Variants in HERC2 observed in about 807,000 individuals in gnomAD.
HERC2 encodes the protein HECT and RLD domain containing E3 ubiquitin protein ligase 2.
In HERC2, 102 loss-of-function variants were observed where a neutral mutation model predicts 537.7. The ratio of observed to expected loss-of-function variants is 0.19; its 90% CI spans 0.16 to 0.22. HERC2 has a LOEUF of 0.22. Ranked by LOEUF, HERC2 falls within the 10% of genes least tolerant of loss-of-function variation. The pLI is 1.00. For missense variants in HERC2, 4,236 were observed against 6,198.2 expected, an observed-to-expected ratio of 0.68 and a Z score of 10.63; for synonymous variants, 2,224 against 2,466.2, an observed-to-expected ratio of 0.90 and a Z score of 2.91.
chr15:28,211,213 C>CTCCGTA (rs1899185165), intron 43 of HERC2, 68 bp from the exon 44 acceptor site: 5 of 818,438 alleles, frequency 6.1e-6, no homozygotes, highest in Non-Finnish European at 1.0e-5. Context: ...AGCAGCAAGC[C>CTCCGTA]TCCGCCACAT....
Position 28,168,560 on chromosome 15 carries a change from G to A in HERC2, c.10260C>T (p.Ala3420=), listed in dbSNP as rs149756942. 223 of 1,614,098 alleles carry A rather than the reference G, an allele frequency of 1.4e-4. 2 individuals carry two copies. The highest frequency in any genetic ancestry group is 3.3e-4 in the Middle Eastern group (2 of 6,058). ...RDAVVGALMP[A]AMIAPVECPS... ...GGCACTCCACCGGGGCGATCATGGCGGCCGGCATCAGGGCCCCGACAACAG... is the reference window on the plus strand; with the variant it reads ...GGCACTCCACCGGGGCGATCATGGCAGCCGGCATCAGGGCCCCGACAACAG... The change falls in exon 67 of 93, where the codon GCC becomes GCT. Residue 3420 remains alanine (A), a synonymous_variant. Transcript: ENST00000261609.
chr15:28,265,628 G>A lies in HERC2; in HGVS notation c.1860C>T (p.Val620=). 1 of 1,613,858 alleles carries A rather than the reference G, an allele frequency of 6.2e-7. No homozygotes were observed. Among genetic ancestry groups the A allele is most frequent in the Non-Finnish European group, 8.5e-7 (1 of 1,179,858 alleles). ...GAGAGCTCTACGTACCGTTCTCAGT[G>A]ACAGCCAGGGTTTGAGCATCCCCAC... ...CGSGDAQTLA[V]TENGQVWSWG... The change falls in exon 14 of 93, where the codon GTC becomes GTT. Residue 620 remains valine, a synonymous_variant. Transcript: ENST00000261609. This position sits in a 1 kb window ranked among gnomAD's most constrained non-coding sequence, Gnocchi z 4.0.
At chr15:28,155,642 T>A (rs1489543438) in intron 69 of HERC2, among the ~76,000 whole-genome samples, 1 of 151,274 alleles carries the variant, frequency 6.6e-6, no homozygotes, top group Non-Finnish European at 1.5e-5. Flanking sequence ...CTTTGAGTTC[T>A]TTGTAGATTC....
Position 28,168,671 on chromosome 15 carries a change from C to T in HERC2, c.10230-81G>A, listed in dbSNP as rs556895108. 54 of 1,286,732 alleles carry T rather than the reference C, an allele frequency of 4.2e-5. 1 individual carries two copies. The highest frequency in any genetic ancestry group is 2.8e-4 in the East Asian group (11 of 39,984). The allele number at this position is 1,286,732 out of a possible 1,614,324, so 79.7% of individuals were successfully genotyped here. A position where few individuals can be genotyped will look rare whatever the true frequency, so the allele number is the denominator to read the frequency against. ...AGGAAGTGGAGAGGCAGGGCTAGCA[C>T]GCACTGAGGCGTTTCCTCATTTTTA... On this transcript the variant is annotated intron_variant, in intron 66 of 92. Transcript: ENST00000261609.
intron 67 of HERC2, among the ~76,000 whole-genome samples, chr15:28,168,056 T>C (rs968815222): frequency 2.6e-5 from 4 of 152,196 alleles, no homozygotes; most frequent in Non-Finnish European, 5.9e-5. Context: ...AGAATAACTA[T>C]TAATATTCAC....
chr15:28,139,983 G>A (rs986241098), intron 78 of HERC2, among the ~76,000 whole-genome samples: 2 of 151,244 alleles, frequency 1.3e-5, no homozygotes, highest in African/African-American at 2.4e-5. Flanking sequence ...TAGGAGAATC[G>A]CTTGAACCCA....
chr15:28,240,382 C>T lies in HERC2; in HGVS notation c.3578-1610G>A, dbSNP rs146178395. ...GCAGTGAGCTGAGATCACGTCACTA[C>T]ACTCCCGCCTGGGCGAAAGAGCGAG... On this transcript the variant is annotated intron_variant, in intron 23 of 92. Transcript: ENST00000261609. Among the ~76,000 whole-genome samples, 71 of 152,278 alleles carry T rather than the reference C, an allele frequency of 4.7e-4. 1 individual carries two copies. In the East Asian group the frequency reaches 0.012, roughly 26 times the overall value.
rs1887824584 is a variant in HERC2 at position 28,113,059 on chromosome 15, C to G, written c.14232+12G>C. Reference sequence around the variant, plus strand: ...ATCAGCCCAGGGCCGGCAAGCCCAGCCAGGAGCCTACCTGGATGACGAAGT... The same window carrying G: ...ATCAGCCCAGGGCCGGCAAGCCCAGGCAGGAGCCTACCTGGATGACGAAGT... On this transcript the variant is annotated intron_variant, in intron 92 of 92. Transcript: ENST00000261609. The surrounding 1 kb of genome is among the most constrained non-coding windows in gnomAD (Gnocchi z 7.0). The G allele has an allele frequency of 1.2e-6, 2 of 1,610,588 alleles. No individual in the cohort carries two copies. The highest frequency in any genetic ancestry group is 2.2e-5 in the South Asian group (2 of 90,946).
At chr15:28,142,559 C>T in intron 75 of HERC2, 166 bp from the exon 76 acceptor site, 3 of 738,342 alleles carry the variant, frequency 4.1e-6, no homozygotes, top group Non-Finnish European at 6.7e-6. Context: ...CAGTTCCTAG[C>T]CACGTGCCAC....
chr15:28,122,000 G>A lies in HERC2; in HGVS notation c.13189-571C>T, dbSNP rs889059790. Among the ~76,000 whole-genome samples, 5 of 147,578 alleles carry A rather than the reference G, an allele frequency of 3.4e-5. 1 individual carries two copies. Among genetic ancestry groups the A allele is most frequent in the African/African-American group, 5.0e-5 (2 of 39,998 alleles). ...CAGCAGCCACGGGCCAGGGAGCACC[G>A]CGGAGCCAGCCGGACCTTGGATCGC... On this transcript the variant is annotated intron_variant, in intron 85 of 92. Transcript: ENST00000261609.
Position 28,115,486 on chromosome 15 carries a change from G to A in HERC2, c.13665C>T (p.Ala4555=), listed in dbSNP as rs202156908. 2.3e-4 allele frequency: 374 copies of A among 1,606,122 alleles called. No individual in the cohort carries two copies. Among genetic ancestry groups the A allele is most frequent in the Non-Finnish European group, 2.3e-4 (265 of 1,177,724 alleles). ...RTGSPLSLNL[A]EPVWKQLAGM... ...CAGCCAGCTGCTTCCAGACAGGCTC[G>A]GCAAGGTTGAGGCTCAGGGGACTCC... Residue 4555 remains alanine, a synonymous_variant, in exon 89 of 93, where the codon GCC becomes GCT. Coordinates refer to ENST00000261609, the MANE Select transcript of HERC2 (RefSeq NM_004667.6).
intron 78 of HERC2, among the ~76,000 whole-genome samples, chr15:28,140,118 C>T (rs1307008863): frequency 6.6e-6 from 1 of 151,598 alleles, no homozygotes; most frequent in African/African-American, 2.4e-5. Flanking sequence ...CATTTCAAAA[C>T]ACGTAGAAAG....
chr15:28,252,796 T>C (rs900508699), intron 20 of HERC2, among the ~76,000 whole-genome samples: 4 of 152,250 alleles, frequency 2.6e-5, no homozygotes, highest in Non-Finnish European at 5.9e-5. Flanking sequence ...AAATAGAATT[T>C]ACTAAAATCT....
At chr15:28,230,323 A>G (rs779977570) in intron 31 of HERC2, 44 bp downstream of exon 31, 2 of 1,577,726 alleles carry the variant, frequency 1.3e-6, no homozygotes, top group Non-Finnish European at 1.7e-6. Context: ...GCTACATGCT[A>G]TGATTCTATT....
intron 5 of HERC2, among the ~76,000 whole-genome samples, chr15:28,277,182 G>C (rs183389163): frequency 7.5e-4 from 114 of 152,308 alleles, no homozygotes; most frequent in African/African-American, 2.7e-3. Context: ...TTAAGGTGGG[G>C]AGAGAAGACG....
intron 69 of HERC2, among the ~76,000 whole-genome samples, chr15:28,157,002 TA>T (rs1282213976): frequency 1.3e-5 from 2 of 152,238 alleles, no homozygotes; most frequent in Non-Finnish European, 2.9e-5. Context: ...TCTATTGAGA[TA>T]ATCATGTGGT....
At chr15:28,135,379 T>C in intron 79 of HERC2, 99 bp downstream of exon 79, 2 of 872,728 alleles carry the variant, frequency 2.3e-6, no homozygotes, top group Non-Finnish European at 3.7e-6. Context: ...GTATTGTAAA[T>C]GTTGCCTTGA....
At chr15:28,120,548 GT>G (rs1888770746) in intron 86 of HERC2, among the ~76,000 whole-genome samples, 2 of 152,180 alleles carry the variant, frequency 1.3e-5, no homozygotes, top group Non-Finnish European at 2.9e-5. Context: ...TTAACTGTGA[GT>G]TTATATACAC....
intron 23 of HERC2, among the ~76,000 whole-genome samples, chr15:28,243,730 T>G (rs781308904): frequency 6.6e-6 from 1 of 152,156 alleles, no homozygotes; most frequent in Non-Finnish European, 1.5e-5. Flanking sequence ...CTAGCAATGC[T>G]AGGTCTTGGC....
Sources: allele counts gnomAD v4.1 joint callset (sites outside exome capture counted in the v4.1 genomes callset), GRCh38; gene constraint gnomAD v4.1.1; non-coding constraint Gnocchi (gnomAD v3.1); transcripts MANE v1.5; gene names NCBI Gene and HGNC (gene_info 2026-07-23, HGNC 2026-07-21).